The following PTPRG variants were observed in gnomAD, a reference collection of about 807,000 sequenced individuals.
PTPRG encodes the protein receptor-type tyrosine-protein phosphatase gamma.
Under a neutral mutation model 165.3 loss-of-function variants are expected in PTPRG, and 102 were observed. That is an observed-to-expected ratio of 0.62 (90% confidence interval 0.53 to 0.73). The LOEUF is 0.73. Among genes scored for constraint, PTPRG ranks in the 30% least tolerant of loss-of-function variants. The pLI is 0.00. For missense variants in PTPRG, 1,866 were observed against 1,861.4 expected (o/e 1.00, Z -0.05); for synonymous variants, 675 against 669.5 (o/e 1.01, Z -0.13).
chr3:61,892,965 A>G (rs36050422), intron 2 of PTPRG, among the ~76,000 whole-genome samples: 1 of 152,240 alleles, frequency 6.6e-6, no homozygotes, highest in Non-Finnish European at 1.5e-5. Context: ...AAGAGTAGAT[A>G]CAATACAGCA....
In PTPRG at chr3:62,132,602, G is replaced by T; in HGVS notation, c.616G>T (p.Val206Phe). 6.2e-7 allele frequency: 1 copy of T among 1,605,996 alleles called. No individual in the cohort carries two copies. Among genetic ancestry groups the T allele is most frequent in the Non-Finnish European group, 8.5e-7 (1 of 1,172,650 alleles). Residue 206 changes from valine (V) to phenylalanine (F), a missense_variant and splice_region_variant, in exon 6 of 30, where the codon GTC becomes TTC. Coordinates refer to ENST00000474889, the MANE Select transcript of PTPRG (RefSeq NM_002841.4). Reference protein sequence around the residue: ...IIGAMAIFFQVSPRDNSALDP... With the variant: ...IIGAMAIFFQFSPRDNSALDP... ...CCAATCATGTTTCCTTTACATTTAG[G>T]TCAGTCCGAGGGACAATTCTGCACT...
At chr3:61,595,019 G>A (rs1219527357) in intron 1 of PTPRG, among the ~76,000 whole-genome samples, 2 of 152,036 alleles carry the variant, frequency 1.3e-5, no homozygotes, top group Admixed American at 6.5e-5. Flanking sequence ...CGGATGAAAA[G>A]CGAGAAAACT....
chr3:62,162,584 C>G (rs968743550), intron 7 of PTPRG, among the ~76,000 whole-genome samples: 11 of 152,152 alleles, frequency 7.2e-5, no homozygotes, highest in African/African-American at 2.7e-4. Context: ...TTCATGCCTC[C>G]CAGTTCTTTC....
chr3:62,195,675 G>T lies in PTPRG; in HGVS notation c.1327+505G>T, dbSNP rs1001586711. 2.0e-5 allele frequency among the ~76,000 whole-genome samples: 3 copies of T among 152,298 alleles called. No homozygotes were observed. The highest frequency in any genetic ancestry group is 7.2e-5 in the African/African-American group (3 of 41,572). ...GGTCCTGATGACTTAGGGACTAATA[G>T]AAAGGTCCAGGGCCAGAACTAGGGT... is the stretch of plus-strand genomic sequence containing the variant. On this transcript the variant is annotated intron_variant, in intron 10 of 29. Transcript: ENST00000474889. This position sits in a 1 kb window ranked among gnomAD's most constrained non-coding sequence, Gnocchi z 4.4.
intron 1 of PTPRG, among the ~76,000 whole-genome samples, chr3:61,633,221 T>C (rs1701816419): frequency 6.6e-6 from 1 of 152,222 alleles, no homozygotes; most frequent in Non-Finnish European, 1.5e-5. Flanking sequence ...TATTCCCAAC[T>C]GGAGTGTGAG....
intron 1 of PTPRG, among the ~76,000 whole-genome samples, chr3:61,738,308 A>ACG (rs1559583386): frequency 1.3e-5 from 1 of 76,488 alleles, no homozygotes; most frequent in African/African-American, 4.5e-5. Flanking sequence ...ATATATATAT[A>ACG]TATACATATA....
chr3:61,688,083 C>G (rs1165508832), intron 1 of PTPRG, among the ~76,000 whole-genome samples: 1 of 152,336 alleles, frequency 6.6e-6, no homozygotes, highest in East Asian at 1.9e-4. Flanking sequence ...TGGCTGACAT[C>G]ACTTTCATGA....
intron 4 of PTPRG, among the ~76,000 whole-genome samples, chr3:62,045,193 C>T (rs1324524746): frequency 2.6e-5 from 4 of 152,092 alleles, no homozygotes; most frequent in African/African-American, 7.2e-5. Context: ...GTTGAATATT[C>T]GCTGTTCAAT....
intron 1 of PTPRG, among the ~76,000 whole-genome samples, chr3:61,634,254 T>C (rs1397447218): frequency 1.3e-5 from 2 of 151,952 alleles, no homozygotes; most frequent in Non-Finnish European, 2.9e-5. Flanking sequence ...TGCCTGTTTT[T>C]TGAGACAGAG....
chr3:61,663,102 G>A (rs1315102775), intron 1 of PTPRG, among the ~76,000 whole-genome samples: 1 of 152,126 alleles, frequency 6.6e-6, no homozygotes, highest in Non-Finnish European at 1.5e-5. Context: ...TGGGCAACAT[G>A]GCGAAACTGT....
intron 13 of PTPRG, among the ~76,000 whole-genome samples, chr3:62,223,592 C>T (rs1225691285): frequency 6.6e-6 from 1 of 152,276 alleles, no homozygotes; most frequent in East Asian, 1.9e-4. Context: ...ACTTCGGTTT[C>T]CTCATCTGCA....
intron 5 of PTPRG, among the ~76,000 whole-genome samples, chr3:62,100,848 T>C (rs966974793): frequency 2.0e-5 from 3 of 152,206 alleles, no homozygotes; most frequent in African/African-American, 7.2e-5. Context: ...TTTTTTGTTT[T>C]GTTTCGTTTT....
chr3:62,107,483 C>T (rs935184928), intron 5 of PTPRG, among the ~76,000 whole-genome samples: 2 of 152,178 alleles, frequency 1.3e-5, no homozygotes, highest in Non-Finnish European at 2.9e-5. Context: ...CAGGCAATAA[C>T]CTGCTAACTT....
In PTPRG at chr3:62,297,346, AG is replaced by A. The variant is rs746438489; in HGVS notation, c.*4040del. 6.6e-6 allele frequency: 1 copy of A among 151,870 alleles called. No individual in the cohort carries two copies. Among genetic ancestry groups the A allele is most frequent in the South Asian group, 2.1e-4 (1 of 4,828 alleles). 9.4% of individuals were successfully genotyped at this position (151,870 alleles called of 1,614,324 possible). A position where few individuals can be genotyped will look rare whatever the true frequency, so the allele number is the denominator to read the frequency against. ...ATTTCTTTGAGGCAGTGATTGTGAA[AG>A]TTGGGTTTTCTTTTTAATTCCATTG... On this transcript the variant is annotated 3_prime_UTR_variant, in exon 30 of 30. Coordinates refer to ENST00000474889, the MANE Select transcript of PTPRG (RefSeq NM_002841.4).
intron 2 of PTPRG, among the ~76,000 whole-genome samples, chr3:61,887,459 C>T (rs959926034): frequency 6.6e-6 from 1 of 152,068 alleles, no homozygotes; most frequent in Admixed American, 6.5e-5. Flanking sequence ...TGTCCCCAGT[C>T]TTGAAGTGTA....
At chr3:62,196,302 C>T (rs1174660685) in intron 10 of PTPRG, among the ~76,000 whole-genome samples, 1 of 151,944 alleles carries the variant, frequency 6.6e-6, no homozygotes, top group Non-Finnish European at 1.5e-5. Context: ...ACTTGGGAGA[C>T]TGAAGCAGGA....
At chr3:62,018,095 T>C (rs2041595344) in intron 4 of PTPRG, among the ~76,000 whole-genome samples, 1 of 152,158 alleles carries the variant, frequency 6.6e-6, no homozygotes, top group South Asian at 2.1e-4. Flanking sequence ...TTTGTATTCA[T>C]TGAGAACCAG....
At chr3:61,932,272 A>G (rs2039380180) in intron 2 of PTPRG, among the ~76,000 whole-genome samples, 1 of 152,232 alleles carries the variant, frequency 6.6e-6, no homozygotes, top group African/African-American at 2.4e-5. Context: ...CTTGTAATGC[A>G]GCACTGCATG....
At chr3:61,759,914 T>G (rs1190458905) in intron 2 of PTPRG, among the ~76,000 whole-genome samples, 1 of 152,166 alleles carries the variant, frequency 6.6e-6, no homozygotes, top group African/African-American at 2.4e-5. Flanking sequence ...GACCTCAGTC[T>G]GCTGGGAGAG....
Sources: gnomAD v4.1 joint callset for allele counts (sites outside exome capture counted in the v4.1 genomes callset) on GRCh38, gnomAD v4.1.1 for gene constraint, Gnocchi (gnomAD v3.1) non-coding constraint, MANE v1.5 for transcripts, NCBI Gene and HGNC (gene_info 2026-07-23, HGNC 2026-07-21) for gene names.